DLEC1: variants seen among roughly 807,000 people sequenced by gnomAD.
The protein encoded by DLEC1 is DLEC1 cilia and flagella associated protein.
Under a neutral mutation model 198.1 loss-of-function variants are expected in DLEC1, and 146 were observed. That is an observed-to-expected ratio of 0.74 (90% confidence interval 0.64 to 0.85). The LOEUF (loss-of-function observed/expected upper bound fraction) is 0.85, where lower values mean the gene tolerates loss of function less well. Ranked by LOEUF, DLEC1 falls within the 40% of genes least tolerant of loss-of-function variation. The pLI, the probability that DLEC1 is intolerant of heterozygous loss-of-function variation, is 0.00. For missense variants in DLEC1, 2,233 were observed against 2,220.0 expected (o/e 1.01, Z -0.12); for synonymous variants, 897 against 866.8 (o/e 1.03, Z -0.61).
At chr3:38,111,833 G>T in intron 24 of DLEC1, 86 bp downstream of exon 24, 2 of 1,473,228 alleles carry the variant, frequency 1.4e-6, no homozygotes, top group South Asian at 2.4e-5. Flanking sequence ...AGCTGCCAGG[G>T]AGCGGGACCA....
At chr3:38,081,665 G>A in intron 6 of DLEC1, among the ~76,000 whole-genome samples, 1 of 86,814 alleles carries the variant, frequency 1.2e-5, no homozygotes, top group South Asian at 3.5e-4. Flanking sequence ...CGGGTGGGGG[G>A]GCTGACCCCC....
At chr3:38,071,773 A>C (rs1697331348) in intron 6 of DLEC1, among the ~76,000 whole-genome samples, 2 of 152,234 alleles carry the variant, frequency 1.3e-5, no homozygotes, top group Admixed American at 6.5e-5. Context: ...TTAATGATGG[A>C]GGACCCTTGT....
chr3:38,120,661 G>A lies in DLEC1; in HGVS notation c.4866+52G>A, dbSNP rs779816577. The A allele has an allele frequency of 1.9e-6, 3 of 1,606,922 alleles. No individual in the cohort carries two copies. The Admixed American group carries it at 5.0e-5, about 27-fold the overall frequency. On this transcript the variant is annotated intron_variant, in intron 34 of 36. Coordinates refer to ENST00000308059, the MANE Select transcript of DLEC1 (RefSeq NM_007335.4). ...GAGGAGGGTGGAAGTGGGCTGGGCT[G>A]TGTTCTGCTGGGGCCAGAGGAGGAA...
intron 21 of DLEC1, 31 bp downstream of exon 21, chr3:38,108,546 C>T (rs770257547): frequency 9.5e-6 from 15 of 1,574,668 alleles, no homozygotes; most frequent in African/African-American, 5.4e-5. Flanking sequence ...CCTGAGTGAC[C>T]GGGAAGGCAC....
At chr3:38,080,017 A>G (rs1697879134) in intron 6 of DLEC1, among the ~76,000 whole-genome samples, 1 of 152,176 alleles carries the variant, frequency 6.6e-6, no homozygotes, top group Non-Finnish European at 1.5e-5. Context: ...TTGACCTTTT[A>G]GGGTCTAGGG....
intron 1 of DLEC1, among the ~76,000 whole-genome samples, chr3:38,044,422 G>C (rs1459665213): frequency 6.6e-6 from 1 of 151,928 alleles, no homozygotes; most frequent in Non-Finnish European, 1.5e-5. Context: ...AATTAGCTGG[G>C]CATCATGGCG....
intron 2 of DLEC1, chr3:38,052,237 CT>C: frequency 2.1e-6 from 1 of 474,800 alleles, no homozygotes. Context: ...TGGGCAGTAC[CT>C]GATGACCAGA....
Position 38,121,638 on chromosome 3 carries a change from T to A in DLEC1, c.4877T>A (p.Leu1626Gln). The A allele has an allele frequency of 6.2e-7, 1 of 1,613,572 alleles. No individual in the cohort carries two copies. ...YTNQTTQVVP[L>Q]RAVVAVPELQ... Reference sequence around the variant, plus strand: ...CCTGGTCTCCCACAGGTGGTGCCCCTGCGGGCTGTGGTGGCCGTGCCTGAG... The same window carrying A: ...CCTGGTCTCCCACAGGTGGTGCCCCAGCGGGCTGTGGTGGCCGTGCCTGAG... Residue 1626 changes from leucine (L) to glutamine (Q), a missense_variant, in exon 35 of 37, where the codon CTG becomes CAG. Transcript: ENST00000308059.
At chr3:38,102,445 T>C (rs1190595629) in intron 19 of DLEC1, among the ~76,000 whole-genome samples, 1 of 152,246 alleles carries the variant, frequency 6.6e-6, no homozygotes, top group Non-Finnish European at 1.5e-5. Context: ...TGTTATAGTC[T>C]TATCAATGCA....
chr3:38,107,935 C>A (rs1485562228), intron 20 of DLEC1, among the ~76,000 whole-genome samples, 198 bp downstream of exon 20: 1 of 152,216 alleles, frequency 6.6e-6, no homozygotes, highest in Admixed American at 6.5e-5. Flanking sequence ...TCTTGCCCTG[C>A]CTCTAGGGAA....
At chr3:38,108,370 G>A in intron 20 of DLEC1, 35 bp from the exon 21 acceptor site, 1 of 1,565,014 alleles carries the variant, frequency 6.4e-7, no homozygotes, top group East Asian at 2.2e-5. Flanking sequence ...TGGGAGCCCA[G>A]TAAGTGACAA....
At position 38,084,081 on chromosome 3, in the gene DLEC1, T is replaced by G. The variant is rs547633330; in HGVS notation, c.1174-77T>G. Reference sequence around the variant, plus strand: ...TTCTACCTCTACCCCCTTCTCATATTAGAGTAAATCCTGGACATCGTATCA... The same window carrying G: ...TTCTACCTCTACCCCCTTCTCATATGAGAGTAAATCCTGGACATCGTATCA... On this transcript the variant is annotated intron_variant, in intron 6 of 36. Transcript: ENST00000308059. The G allele has an allele frequency of 6.4e-6, 9 of 1,410,968 alleles. No individual in the cohort carries two copies. In the African/African-American group the frequency reaches 7.1e-5, roughly 11 times the overall value. 87.4% of individuals were successfully genotyped at this position (1,410,968 alleles called of 1,614,324 possible). A position where few individuals can be genotyped will look rare whatever the true frequency, so the allele number is the denominator to read the frequency against.
rs1311856800 is a variant in DLEC1, at chr3:38,045,185, G to A, written c.412-358G>A. ...TGTGAAGGGGCTGTCTGCTGACGAC[G>A]TTCCCTGTAGCTAGGGAGCAAGTCC... On this transcript the variant is annotated intron_variant, in intron 1 of 36. Transcript: ENST00000308059. Among the ~76,000 whole-genome samples, 6 of 152,314 alleles carry A rather than the reference G, an allele frequency of 3.9e-5. No homozygotes were observed. The East Asian group carries it at 7.7e-4, about 20-fold the overall frequency.
chr3:38,117,056 G>GA lies in DLEC1; in HGVS notation c.4262dup (p.Cys1422ValfsTer40), dbSNP rs777330805. On this transcript the variant is annotated frameshift_variant, in exon 30 of 37. Coordinates refer to ENST00000308059, the MANE Select transcript of DLEC1 (RefSeq NM_007335.4). LOFTEE classifies it high-confidence loss of function. ...CAGCCCTGAGATCCTGCACAAGGTG[G>GA]AGTGTACTGGCTACGCCCTGGGTTT... is the stretch of plus-strand genomic sequence containing the variant. The GA allele has an allele frequency of 4.3e-6, 7 of 1,614,132 alleles. No homozygotes were observed. In the South Asian group the frequency reaches 7.7e-5, roughly 18 times the overall value.
intron 25 of DLEC1, 37 bp from the exon 26 acceptor site, chr3:38,114,305 G>C: frequency 6.2e-7 from 1 of 1,607,168 alleles, no homozygotes; most frequent in Admixed American, 1.7e-5. Flanking sequence ...GTCGCAACCG[G>C]TGACAGGAGT....
At position 38,112,428 on chromosome 3, in the gene DLEC1, C is replaced by G; in HGVS notation, c.3666+67C>G. 2 of 1,589,602 alleles carry G rather than the reference C, an allele frequency of 1.3e-6. No individual in the cohort carries two copies. The highest frequency in any genetic ancestry group is 2.7e-5 in the African/African-American group (2 of 74,536). On this transcript the variant is annotated intron_variant, in intron 25 of 36. Transcript: ENST00000308059. This position sits in a 1 kb window ranked among gnomAD's most constrained non-coding sequence, Gnocchi z 4.8. The stretch of plus-strand genomic sequence containing the variant: ...TCTGCCCAGCCCTCGCCTTCAGCCT[C>G]TCTCCCCTCCAACACCTGGCCCTCA...
At chr3:38,067,746 T>G (rs1697100768) in intron 6 of DLEC1, among the ~76,000 whole-genome samples, 1 of 144,904 alleles carries the variant, frequency 6.9e-6, no homozygotes. Flanking sequence ...CAAGTGAGTA[T>G]CTGCACTTTT....
In DLEC1 at chr3:38,116,496, A is replaced by G. The variant is rs751498989; in HGVS notation, c.3900A>G (p.Glu1300=). 1 of 1,614,118 alleles carries G rather than the reference A, an allele frequency of 6.2e-7. No homozygotes were observed. The highest frequency in any genetic ancestry group is 8.5e-7 in the Non-Finnish European group (1 of 1,179,990). The change falls in exon 28 of 37, where the codon GAA becomes GAG. Residue 1300 remains glutamate (E), a synonymous_variant. Transcript: ENST00000308059. ...DWETYVPEDK[E]DRLVELLVFY... ...AGACCTATGTTCCAGAAGACAAGGA[A>G]GACCGGCTGGTGGAGCTGCTGGTGT...
intron 19 of DLEC1, among the ~76,000 whole-genome samples, chr3:38,105,383 A>G (rs958310115): frequency 6.6e-6 from 1 of 152,162 alleles, no homozygotes; most frequent in Non-Finnish European, 1.5e-5. Flanking sequence ...GTCTCCAACC[A>G]TTATTGTTGA....
Sources: allele counts gnomAD v4.1 joint callset (sites outside exome capture counted in the v4.1 genomes callset), GRCh38; gene constraint gnomAD v4.1.1; non-coding constraint Gnocchi (gnomAD v3.1); transcripts MANE v1.5; gene names NCBI Gene and HGNC (gene_info 2026-07-23, HGNC 2026-07-21).